Variants in TLN2 observed in about 807,000 individuals in gnomAD.
TLN2 encodes the protein talin 2.
Under a neutral mutation model 294.7 loss-of-function variants are expected in TLN2, and 118 were observed. The observed-to-expected ratio is 0.40, with a 90% CI of 0.34 to 0.47. The LOEUF (loss-of-function observed/expected upper bound fraction) is 0.47. Ranked by LOEUF, TLN2 falls within the 20% of genes least tolerant of loss-of-function variation. The pLI, the probability that TLN2 is intolerant of heterozygous loss-of-function variation, is 0.84. For missense variants in TLN2, 3,083 were observed against 3,282.2 expected, an observed-to-expected ratio of 0.94 and a Z score of 1.48; for synonymous variants, 1,431 against 1,304.5, an observed-to-expected ratio of 1.10 and a Z score of -2.09.
intron 1 of TLN2, among the ~76,000 whole-genome samples, chr15:62,520,738 A>C (rs1212091623): frequency 6.6e-6 from 1 of 152,170 alleles, no homozygotes; most frequent in Non-Finnish European, 1.5e-5. Flanking sequence ...TACTTACTTA[A>C]TAGTTGTTTA....
At chr15:62,837,627 G>A (rs1249987033) in intron 57 of TLN2, among the ~76,000 whole-genome samples, 1 of 152,142 alleles carries the variant, frequency 6.6e-6, no homozygotes, top group African/African-American at 2.4e-5. Context: ...GAGTTCCCTG[G>A]GGCTAGATGG....
chr15:62,797,557 C>T (rs1189063058), intron 48 of TLN2, among the ~76,000 whole-genome samples, 155 bp downstream of exon 48: 1 of 152,176 alleles, frequency 6.6e-6, no homozygotes, highest in Non-Finnish European at 1.5e-5. Flanking sequence ...AGGCAGTCAT[C>T]CAAGCGAGAT....
intron 1 of TLN2, among the ~76,000 whole-genome samples, chr15:62,588,665 C>CATATACAT (rs1491268174): frequency 4.9e-4 from 35 of 71,444 alleles, no homozygotes; most frequent in Non-Finnish European, 7.5e-4. Context: ...ACATTTTTTT[C>CATATACAT]ATATATATAT....
chr15:62,633,179 A>G (rs2050072201), intron 3 of TLN2, among the ~76,000 whole-genome samples: 1 of 152,184 alleles, frequency 6.6e-6, no homozygotes, highest in African/African-American at 2.4e-5. Flanking sequence ...CTGGAGGCAG[A>G]TATGCCCTGG....
chr15:62,841,410 A>G lies in TLN2; in HGVS notation c.*800A>G, dbSNP rs1302796042. On this transcript the variant is annotated 3_prime_UTR_variant, in exon 59 of 59. Transcript: ENST00000636159. ...CACACAAACCCACGGCTCCCAGTTG[A>G]CAGTCAGTGGAATGCTCGTCTCCTT... 6.6e-6 allele frequency: 1 copy of G among 152,156 alleles called. No homozygotes were observed. Among genetic ancestry groups the G allele is most frequent in the Non-Finnish European group, 1.5e-5 (1 of 68,066 alleles). The allele number at this position is 152,156 out of a possible 1,614,324, so 9.4% of individuals were successfully genotyped here. A position where few individuals can be genotyped will look rare whatever the true frequency, so the allele number is the denominator to read the frequency against.
At chr15:62,762,176 AGGT>A (rs1335415882) in intron 38 of TLN2, 93 bp from the exon 39 acceptor site, 1 of 1,347,412 alleles carries the variant, frequency 7.4e-7, no homozygotes, top group Non-Finnish European at 1.0e-6. Flanking sequence ...CAAAGGGCAG[AGGT>A]GGTGATTTGG....
chr15:62,600,282 C>T (rs952645012), intron 2 of TLN2, among the ~76,000 whole-genome samples: 5 of 152,112 alleles, frequency 3.3e-5, no homozygotes, highest in African/African-American at 7.2e-5. Flanking sequence ...AATTTTGGTG[C>T]GGTGCAGTGA....
intron 45 of TLN2, among the ~76,000 whole-genome samples, chr15:62,787,228 A>G (rs1323631315): frequency 6.6e-6 from 1 of 152,184 alleles, no homozygotes; most frequent in Non-Finnish European, 1.5e-5. Flanking sequence ...TCTTTGTCAG[A>G]TAAGTTCCAT....
At chr15:62,560,203 A>T (rs1223199104) in intron 1 of TLN2, among the ~76,000 whole-genome samples, 1 of 152,200 alleles carries the variant, frequency 6.6e-6, no homozygotes, top group East Asian at 1.9e-4. Flanking sequence ...TGCTAGAGAA[A>T]ATGATTCATC....
At chr15:62,818,377 GGAA>G (rs1478921977) in intron 52 of TLN2, among the ~76,000 whole-genome samples, 1 of 152,166 alleles carries the variant, frequency 6.6e-6, no homozygotes, top group East Asian at 1.9e-4. Context: ...AAAGAGCACT[GGAA>G]GAAGAATTTC....
At chr15:62,748,279 G>A in intron 32 of TLN2, 72 bp from the exon 33 acceptor site, 1 of 1,123,256 alleles carries the variant, frequency 8.9e-7, no homozygotes, top group Non-Finnish European at 1.3e-6. Context: ...TTTCTGGTGA[G>A]CCTGCAAAGC....
intron 41 of TLN2, among the ~76,000 whole-genome samples, chr15:62,769,486 G>A (rs2063218495): frequency 6.6e-6 from 1 of 152,228 alleles, no homozygotes; most frequent in Non-Finnish European, 1.5e-5. Flanking sequence ...CTCCCTAAGG[G>A]CCGGGAACAG....
intron 1 of TLN2, among the ~76,000 whole-genome samples, chr15:62,438,917 A>G (rs1035336570): frequency 6.6e-6 from 1 of 151,898 alleles, no homozygotes; most frequent in South Asian, 2.1e-4. Context: ...CATACTTCCT[A>G]CTCTTAATTT....
chr15:62,783,985 C>G, intron 45 of TLN2, 95 bp downstream of exon 45: 1 of 1,573,470 alleles, frequency 6.4e-7, no homozygotes. Flanking sequence ...TCTGGAAGAC[C>G]CCAGCCCAGT....
At chr15:62,721,889 A>G (rs1457619604) in intron 25 of TLN2, among the ~76,000 whole-genome samples, 1 of 152,236 alleles carries the variant, frequency 6.6e-6, no homozygotes, top group African/African-American at 2.4e-5. Flanking sequence ...AAAAATATGT[A>G]CATGCACATA....
At chr15:62,535,275 C>T (rs543614716) in intron 1 of TLN2, among the ~76,000 whole-genome samples, 67 of 152,206 alleles carry the variant, frequency 4.4e-4, no homozygotes, top group Admixed American at 1.5e-3. Flanking sequence ...AACTCAGAAA[C>T]CTCCCCAGCA....
intron 1 of TLN2, among the ~76,000 whole-genome samples, chr15:62,499,217 G>A (rs1289106411): frequency 6.6e-6 from 1 of 152,134 alleles, no homozygotes; most frequent in Non-Finnish European, 1.5e-5. Flanking sequence ...GGGAGGCTGA[G>A]GTGGGAACAT....
intron 23 of TLN2, among the ~76,000 whole-genome samples, chr15:62,717,273 G>T (rs1462299031): frequency 1.3e-5 from 2 of 152,084 alleles, no homozygotes; most frequent in African/African-American, 4.8e-5. Flanking sequence ...TTTAGACTTG[G>T]TGCAGCTTGT....
chr15:62,518,188 G>C (rs1318666559), intron 1 of TLN2, among the ~76,000 whole-genome samples: 1 of 152,064 alleles, frequency 6.6e-6, no homozygotes, highest in Non-Finnish European at 1.5e-5. Flanking sequence ...ACAGGCATGC[G>C]TCACCACGTC....
Sources: gnomAD v4.1 joint callset for allele counts (sites outside exome capture counted in the v4.1 genomes callset) on GRCh38, gnomAD v4.1.1 for gene constraint, MANE v1.5 for transcripts, NCBI Gene and HGNC (gene_info 2026-07-23, HGNC 2026-07-21) for gene names.